Variants in ADGRL3 observed in about 807,000 individuals in gnomAD.
The protein encoded by ADGRL3 is calcium-independent alpha-latrotoxin receptor 3.
A neutral mutation model predicts 153.5 loss-of-function variants in ADGRL3; 62 were observed. That is an observed-to-expected ratio of 0.40 (90% confidence interval 0.33 to 0.50). ADGRL3 has a LOEUF of 0.50. Among genes scored for constraint, ADGRL3 ranks in the 20% least tolerant of loss-of-function variants. The pLI is 0.47. For missense variants in ADGRL3, 1,641 were observed against 1,859.4 expected (o/e 0.88, Z 2.16); for synonymous variants, 710 against 672.5 (o/e 1.06, Z -0.86).
chr4:61,567,450 C>T (rs2098820912), intron 4 of ADGRL3, among the ~76,000 whole-genome samples: 1 of 152,088 alleles, frequency 6.6e-6, no homozygotes, highest in Admixed American at 6.6e-5. Context: ...GATTAGTGTC[C>T]TTATAAAAAA....
At chr4:61,671,994 A>G (rs896058702) in intron 5 of ADGRL3, among the ~76,000 whole-genome samples, 11 of 152,226 alleles carry the variant, frequency 7.2e-5, no homozygotes, top group Middle Eastern at 3.4e-3. Context: ...ATTTTCTCCC[A>G]TTCTGTAGCT....
chr4:62,070,697 C>T lies in ADGRL3; in HGVS notation c.4421C>T (p.Thr1474Ile). The change falls in exon 27 of 27, where the codon ACC (threonine) becomes ATC (isoleucine). Residue 1474 changes from threonine (T) to isoleucine (I), a missense_variant. By Grantham distance (89) the Thr-to-Ile change is moderately conservative. Transcript: ENST00000683033. ...ATESVTTSTQ[T>I]EPPPAKCGDA... ...GAGAGTGTTACCACCAGCACCCAGA[C>T]CGAACCCCCACCGGCCAAATGTGGT... is the stretch of plus-strand genomic sequence containing the variant. 1 of 1,551,438 alleles carries T rather than the reference C, an allele frequency of 6.4e-7. No individual in the cohort carries two copies. Among genetic ancestry groups the T allele is most frequent in the African/African-American group, 1.4e-5 (1 of 73,138 alleles).
At chr4:61,735,357 C>T (rs754020851) in intron 8 of ADGRL3, among the ~76,000 whole-genome samples, 6 of 152,158 alleles carry the variant, frequency 3.9e-5, no homozygotes, top group South Asian at 2.1e-4. Context: ...TTGGCTTTTA[C>T]GGAAAGAAAA....
At position 61,345,580 on chromosome 4, in the gene ADGRL3, A is replaced by G. The variant is rs570599852; in HGVS notation, c.-239-37544A>G. On this transcript the variant is annotated intron_variant, in intron 1 of 26. Transcript: ENST00000683033. ...TATTGCATGGGCAAGAATAAAAACT[A>G]TGGTCCATGTACAAGGACAATTGCA... 1.4e-4 allele frequency among the ~76,000 whole-genome samples: 22 copies of G among 152,180 alleles called. 1 individual carries two copies. Among genetic ancestry groups the G allele is most frequent in the Admixed American group, 1.4e-3 (21 of 15,278 alleles).
chr4:61,666,142 G>T (rs2094785787), intron 5 of ADGRL3, among the ~76,000 whole-genome samples: 1 of 152,008 alleles, frequency 6.6e-6, no homozygotes, highest in Non-Finnish European at 1.5e-5. Flanking sequence ...AAGTATATAT[G>T]CAGACACACA....
At position 61,924,667 on chromosome 4, in the gene ADGRL3, T is replaced by C. The variant is rs181803129; in HGVS notation, c.2113-10173T>C. ...CATGCCGTTTTAAGGTTTTGGACCA[T>C]GCAAACCTTCAAAAGTTCCATTTGA... On this transcript the variant is annotated intron_variant, in intron 13 of 26. Transcript: ENST00000683033. Among the ~76,000 whole-genome samples, 272 of 152,316 alleles carry C rather than the reference T, an allele frequency of 1.8e-3. 1 individual carries two copies. Among genetic ancestry groups the C allele is most frequent in the African/African-American group, 5.4e-3 (224 of 41,574 alleles).
chr4:61,488,148 ATT>A (rs1245339790), intron 2 of ADGRL3, among the ~76,000 whole-genome samples: 1 of 152,002 alleles, frequency 6.6e-6, no homozygotes, highest in Admixed American at 6.6e-5. Context: ...TTAAATATAA[ATT>A]TGTTTCTAAA....
At chr4:61,846,233 C>T (rs2098114832) in intron 9 of ADGRL3, among the ~76,000 whole-genome samples, 1 of 151,590 alleles carries the variant, frequency 6.6e-6, no homozygotes, top group African/African-American at 2.4e-5. Flanking sequence ...AAGAGGATCT[C>T]TTGAGCCCAG....
Position 61,733,244 on chromosome 4 carries a change from A to G in ADGRL3, c.1089A>G (p.Leu363=). 6.2e-7 allele frequency: 1 copy of G among 1,613,682 alleles called. No homozygotes were observed. The highest frequency in any genetic ancestry group is 8.5e-7 in the Non-Finnish European group (1 of 1,179,786). ...IVISQLNPYT[L]RIEGTWDTAY... is the part of the protein sequence containing the mutation. ...TTAGTCAATTGAACCCTTACACCCT[A>G]CGGATCGAAGGAACATGGGATACTG... Residue 363 remains leucine, a synonymous_variant, in exon 8 of 27, where the codon CTA becomes CTG. Transcript: ENST00000683033.
intron 1 of ADGRL3, among the ~76,000 whole-genome samples, chr4:61,301,002 A>T (rs2094566725): frequency 6.6e-6 from 1 of 151,918 alleles, no homozygotes; most frequent in Non-Finnish European, 1.5e-5. Context: ...TGACTTTGTG[A>T]TCCACCCGCC....
intron 5 of ADGRL3, among the ~76,000 whole-genome samples, chr4:61,675,792 C>G (rs2095171077): frequency 6.6e-6 from 1 of 151,820 alleles, no homozygotes; most frequent in African/African-American, 2.4e-5. Flanking sequence ...AAGCATTTAT[C>G]CTTTGTGCTA....
rs753790922 is a variant in ADGRL3, at chr4:61,979,721, C to T, written c.2964C>T (p.Leu988=). 5.0e-6 allele frequency: 8 copies of T among 1,613,888 alleles called. No individual in the cohort carries two copies. The African/African-American group carries it at 9.3e-5, about 19-fold the overall frequency. The change falls in exon 18 of 27, where the codon CTC becomes CTT. Residue 988 remains leucine, a synonymous_variant. Coordinates refer to ENST00000683033, the MANE Select transcript of ADGRL3 (RefSeq NM_001387552.1). ...NTIHKNLCIS[L]FVAELLFLIG... The stretch of plus-strand genomic sequence containing the variant: ...TCCACAAGAACCTCTGCATCAGTCT[C>T]TTTGTAGCAGAGCTGCTCTTCCTGA...
intron 2 of ADGRL3, among the ~76,000 whole-genome samples, chr4:61,472,629 T>C (rs1046124427): frequency 2.0e-5 from 3 of 152,020 alleles, no homozygotes; most frequent in Admixed American, 2.0e-4. Context: ...CTGCTCAGTC[T>C]GAAGAGGAAT....
intron 11 of ADGRL3, among the ~76,000 whole-genome samples, chr4:61,900,979 T>C (rs1272209954): frequency 6.6e-6 from 1 of 152,148 alleles, no homozygotes; most frequent in Non-Finnish European, 1.5e-5. Flanking sequence ...ATCTCCAGCT[T>C]GCACTCAGTT....
intron 8 of ADGRL3, among the ~76,000 whole-genome samples, chr4:61,744,979 C>A (rs1047631219): frequency 1.3e-5 from 2 of 151,954 alleles, no homozygotes; most frequent in African/African-American, 4.8e-5. Context: ...AAAATTTAGG[C>A]GAGTGTATAA....
At chr4:61,823,656 C>T (rs2097775023) in intron 9 of ADGRL3, among the ~76,000 whole-genome samples, 1 of 152,056 alleles carries the variant, frequency 6.6e-6, no homozygotes, top group Non-Finnish European at 1.5e-5. Context: ...ACAGATAATA[C>T]TAAGCCTTGG....
At chr4:61,566,569 G>A (rs1382051711) in intron 4 of ADGRL3, among the ~76,000 whole-genome samples, 3 of 151,950 alleles carry the variant, frequency 2.0e-5, no homozygotes, top group Non-Finnish European at 4.4e-5. Context: ...CAACCTTTTC[G>A]TGGTATCTGT....
intron 1 of ADGRL3, among the ~76,000 whole-genome samples, chr4:61,340,257 A>G (rs535319557): frequency 6.6e-6 from 1 of 151,950 alleles, no homozygotes; most frequent in Non-Finnish European, 1.5e-5. Flanking sequence ...TACCAGTTCT[A>G]TTATCCTCAT....
intron 2 of ADGRL3, among the ~76,000 whole-genome samples, chr4:61,458,443 C>T (rs1322839658): frequency 6.6e-6 from 1 of 150,942 alleles, no homozygotes; most frequent in African/African-American, 2.4e-5. Flanking sequence ...GAAGTAACAT[C>T]TCTAGTGTTG....
Sources: gnomAD v4.1 joint callset for allele counts (sites outside exome capture counted in the v4.1 genomes callset) on GRCh38, gnomAD v4.1.1 for gene constraint, MANE v1.5 for transcripts, NCBI Gene and HGNC (gene_info 2026-07-23, HGNC 2026-07-21) for gene names.